The following FRMD4B variants were observed in gnomAD, a reference collection of about 807,000 sequenced individuals.
FRMD4B encodes FERM domain containing 4B, also known as FERM domain-containing protein 4B.
FRMD4B carries 74 observed loss-of-function variants against 141.5 expected under a neutral mutation model. That is an observed-to-expected ratio of 0.52 (90% CI 0.43 to 0.63). FRMD4B has a LOEUF of 0.63. Among genes scored for constraint, FRMD4B ranks in the 30% least tolerant of loss-of-function variants. FRMD4B has a pLI of 0.00. For missense variants in FRMD4B, 1,366 were observed against 1,253.4 expected, an observed-to-expected ratio of 1.09 and a Z score of -1.36; for synonymous variants, 506 against 467.9, an observed-to-expected ratio of 1.08 and a Z score of -1.05.
chr3:69,267,512 C>T (rs547186243), intron 5 of FRMD4B, among the ~76,000 whole-genome samples: 16 of 151,484 alleles, frequency 1.1e-4, no homozygotes, highest in Non-Finnish European at 1.5e-4. Flanking sequence ...ATCTTTAACT[C>T]ACTACTGCAC....
At chr3:69,383,637 G>A (rs1704176611) in intron 1 of FRMD4B, among the ~76,000 whole-genome samples, 1 of 152,198 alleles carries the variant, frequency 6.6e-6, no homozygotes, top group African/African-American at 2.4e-5. Flanking sequence ...ATGGCTCACT[G>A]CAGCATTGAA....
At chr3:69,182,858 T>C (rs2092723193) in intron 19 of FRMD4B, 141 bp from the exon 20 acceptor site, 8 of 760,906 alleles carry the variant, frequency 1.1e-5, no homozygotes, top group Non-Finnish European at 1.7e-5. Flanking sequence ...GTCTTTGTGG[T>C]TCACTAAACC....
chr3:69,503,680 A>G (rs776130917), intron 1 of FRMD4B, among the ~76,000 whole-genome samples: 2 of 152,190 alleles, frequency 1.3e-5, no homozygotes, highest in Non-Finnish European at 2.9e-5. Context: ...AACTTAAAGT[A>G]TAATAAAAAC....
chr3:69,493,126 ACT>A (rs1446747011), intron 1 of FRMD4B, among the ~76,000 whole-genome samples: 1 of 152,180 alleles, frequency 6.6e-6, no homozygotes, highest in Non-Finnish European at 1.5e-5. Flanking sequence ...AAAAGCACAA[ACT>A]CACACTCACA....
At chr3:69,455,908 C>G (rs1485657973) in intron 1 of FRMD4B, among the ~76,000 whole-genome samples, 1 of 152,192 alleles carries the variant, frequency 6.6e-6, no homozygotes, top group Non-Finnish European at 1.5e-5. Context: ...TCCACCATCA[C>G]CTGGCCATTT....
intron 1 of FRMD4B, among the ~76,000 whole-genome samples, chr3:69,540,600 G>C (rs555434222): frequency 9.7e-6 from 1 of 103,200 alleles, no homozygotes; most frequent in South Asian, 3.7e-4. Context: ...GCGACAGAGT[G>C]AGACTCTGTC....
In FRMD4B at chr3:69,182,691, G is replaced by A. The variant is rs1356624595; in HGVS notation, c.1946C>T (p.Pro649Leu). 6.2e-7 allele frequency: 1 copy of A among 1,613,408 alleles called. No homozygotes were observed. The highest frequency in any genetic ancestry group is 8.5e-7 in the Non-Finnish European group (1 of 1,179,622). ...GGGCCGCCTCTCCAGAGTTTTGTAA[G>A]GGCTGCTGTGTGTGGACAGCATTTC... ...SREMLSTHSS[P>L]YKTLERRPQG... The change falls in exon 20 of 23, where the codon CCT becomes CTT. Residue 649 changes from proline (P) to leucine (L), a missense_variant. Pro to Leu is a moderately conservative substitution (Grantham distance 98). Transcript: ENST00000398540.
At chr3:69,265,448 CT>C (rs560029423) in intron 5 of FRMD4B, among the ~76,000 whole-genome samples, 1,029 of 93,562 alleles carry the variant, frequency 0.011, 15 homozygotes, top group African/African-American at 0.041. Context: ...TTTATTTGTC[CT>C]TTTTTTTTTT....
chr3:69,337,879 C>T (rs537703680), intron 1 of FRMD4B, among the ~76,000 whole-genome samples: 1 of 152,268 alleles, frequency 6.6e-6, no homozygotes, highest in African/African-American at 2.4e-5. Flanking sequence ...CTAGTTCAAC[C>T]ATTGTGGAAG....
At chr3:69,406,786 G>T (rs1704657047) in intron 2 of FRMD4B, among the ~76,000 whole-genome samples, 1 of 151,962 alleles carries the variant, frequency 6.6e-6, no homozygotes, top group African/African-American at 2.4e-5. Flanking sequence ...AGGCTGGAGT[G>T]CAGTGGCTCA....
chr3:69,224,629 C>T lies in FRMD4B; in HGVS notation c.643G>A (p.Glu215Lys). ...TACCAGTAGGCAAGGGATGGATGCT[C>T]CTGAAGAGTTTTGGTTGGAAAGGCT... The part of the protein sequence containing the change: ...LPAFPTKTLQ[E>K]HPSLAYCEDR... Residue 215 changes from glutamate to lysine, a missense_variant, in exon 8 of 23, where the codon GAG (glutamate) becomes AAG (lysine). By Grantham distance (56) the Glu-to-Lys change is moderately conservative. Transcript: ENST00000398540. 2 of 1,578,736 alleles carry T rather than the reference C, an allele frequency of 1.3e-6. No individual in the cohort carries two copies. Among genetic ancestry groups the T allele is most frequent in the Non-Finnish European group, 8.7e-7 (1 of 1,152,974 alleles).
At chr3:69,453,903 A>G (rs1428165601) in intron 1 of FRMD4B, among the ~76,000 whole-genome samples, 1 of 152,184 alleles carries the variant, frequency 6.6e-6, no homozygotes, top group Non-Finnish European at 1.5e-5. Context: ...GCAGAAGCCT[A>G]GAAAACAAGA....
intron 21 of FRMD4B, among the ~76,000 whole-genome samples, chr3:69,176,888 A>G (rs2107575796): frequency 6.6e-6 from 1 of 152,266 alleles, no homozygotes; most frequent in Non-Finnish European, 1.5e-5. Flanking sequence ...GGATAATAAT[A>G]TTAATATATT....
intron 1 of FRMD4B, among the ~76,000 whole-genome samples, chr3:69,451,244 G>A (rs966002017): frequency 7.9e-5 from 12 of 151,588 alleles, no homozygotes; most frequent in African/African-American, 2.2e-4. Flanking sequence ...GTCCTGCTGC[G>A]ATCTCTTTTC....
intron 1 of FRMD4B, among the ~76,000 whole-genome samples, chr3:69,519,743 C>T (rs536851485): frequency 1.3e-5 from 2 of 151,974 alleles, no homozygotes; most frequent in South Asian, 4.2e-4. Context: ...ACCCATCACC[C>T]GAGCAGTGTA....
chr3:69,358,097 C>T (rs1703376936), intron 1 of FRMD4B, among the ~76,000 whole-genome samples: 2 of 152,222 alleles, frequency 1.3e-5, no homozygotes, highest in African/African-American at 4.8e-5. Flanking sequence ...AGGAATTACA[C>T]ATTTCTTTCA....
intron 1 of FRMD4B, among the ~76,000 whole-genome samples, chr3:69,438,034 A>G (rs1275237579): frequency 7.2e-6 from 1 of 138,796 alleles, no homozygotes; most frequent in Non-Finnish European, 1.5e-5. Context: ...TATTATATGT[A>G]ACTATATATA....
intron 7 of FRMD4B, among the ~76,000 whole-genome samples, chr3:69,236,014 G>A (rs934831513): frequency 6.6e-6 from 1 of 152,130 alleles, no homozygotes; most frequent in East Asian, 1.9e-4. Context: ...ACCAAAATAT[G>A]TATTGCTTAG....
chr3:69,277,648 C>T (rs1014260472), intron 5 of FRMD4B, among the ~76,000 whole-genome samples: 3 of 150,690 alleles, frequency 2.0e-5, no homozygotes, highest in Non-Finnish European at 4.4e-5. Flanking sequence ...GCCTCAGCCT[C>T]CCCGTCCCGA....
Sources: allele counts gnomAD v4.1 joint callset (sites outside exome capture counted in the v4.1 genomes callset), GRCh38; gene constraint gnomAD v4.1.1; transcripts MANE v1.5; gene names NCBI Gene and HGNC (gene_info 2026-07-23, HGNC 2026-07-21).